The following OR51B5 variants were observed in gnomAD, a reference collection of about 807,000 sequenced individuals.
The protein encoded by OR51B5 is olfactory receptor 51B5.
For synonymous variants in OR51B5, 186 were observed against 144.8 expected (o/e 1.28, Z -2.04); for missense variants, 456 against 374.6 (o/e 1.22, Z -1.79).
At chr11:5,426,295 A>G (rs958228519) in intron 1 of OR51B5, among the ~76,000 whole-genome samples, 3 of 152,216 alleles carry the variant, frequency 2.0e-5, no homozygotes, top group African/African-American at 7.2e-5. Context: ...TGGTGCACAC[A>G]TAACACTATG....
chr11:5,498,957 C>A (rs771979688), intron 1 of OR51B5, among the ~76,000 whole-genome samples: 1 of 152,216 alleles, frequency 6.6e-6, no homozygotes, highest in East Asian at 1.9e-4. Context: ...CATGTACTCT[C>A]CTGGGATGCA....
intron 1 of OR51B5, chr11:5,453,778 G>C: frequency 6.2e-7 from 1 of 1,614,132 alleles, no homozygotes. Context: ...TTTGATGCCT[G>C]TCTAATTCAG....
At chr11:5,343,270 C>G in exon 1 of OR51B5, 1 of 1,612,972 alleles carries the variant, frequency 6.2e-7, no homozygotes, top group Non-Finnish European at 8.5e-7. Flanking sequence ...CCCTGTGATC[C>G]AGCCAGAGGA....
intron 1 of OR51B5, chr11:5,455,666 T>C (rs1221482292): frequency 6.6e-6 from 1 of 151,430 alleles, no homozygotes; most frequent in Admixed American, 6.6e-5. Flanking sequence ...TAACTCACCA[T>C]GGAAACTCAT....
chr11:5,401,935 T>C (rs7479379), intron 1 of OR51B5, among the ~76,000 whole-genome samples: 140,880 of 149,434 alleles, frequency 0.94, 66,842 homozygotes, highest in Non-Finnish European at 0.98. Flanking sequence ...TCCTTTTCTT[T>C]TATTATTCTT....
intron 1 of OR51B5, chr11:5,488,579 A>ATT: frequency 1.4e-6 from 1 of 740,444 alleles, no homozygotes; most frequent in Non-Finnish European, 2.2e-6. Context: ...TGAAAAACAA[A>ATT]TTTTTTTAGT....
intron 1 of OR51B5, chr11:5,431,056 T>G (rs1224872651): frequency 2.2e-6 from 1 of 455,176 alleles, no homozygotes; most frequent in Non-Finnish European, 4.4e-6. Context: ...CAGATCTGAG[T>G]GGAGGCAGTA....
At chr11:5,462,942 A>C (rs1026922173) in intron 1 of OR51B5, among the ~76,000 whole-genome samples, 1 of 152,234 alleles carries the variant, frequency 6.6e-6, no homozygotes, top group African/African-American at 2.4e-5. Flanking sequence ...TCAAAAAACT[A>C]ATCAAGAATC....
At chr11:5,480,908 C>G (rs1255006298) in intron 1 of OR51B5, among the ~76,000 whole-genome samples, 1 of 27,584 alleles carries the variant, frequency 3.6e-5, no homozygotes, top group East Asian at 9.6e-4. Flanking sequence ...GATGGATTAA[C>G]AGCCAAATTC....
chr11:5,375,819 T>G (rs372074298), intron 1 of OR51B5, among the ~76,000 whole-genome samples: 25 of 152,188 alleles, frequency 1.6e-4, no homozygotes, highest in East Asian at 9.7e-4. Flanking sequence ...AGCAAGTCCT[T>G]AGAGACCTAC....
intron 1 of OR51B5, among the ~76,000 whole-genome samples, chr11:5,355,826 G>A (rs764486538): frequency 1.3e-5 from 2 of 151,958 alleles, no homozygotes; most frequent in African/African-American, 2.4e-5. Context: ...AAGGATCAAT[G>A]TAATGCCCTG....
At chr11:5,468,801 A>C (rs924582578) in intron 1 of OR51B5, 5 of 455,120 alleles carry the variant, frequency 1.1e-5, no homozygotes, top group Non-Finnish European at 2.2e-5. Flanking sequence ...CCAAAGGCAG[A>C]GATGACAATG....
chr11:5,477,462 C>G (rs12270800), intron 1 of OR51B5, among the ~76,000 whole-genome samples: 5,074 of 152,264 alleles, frequency 0.033, 275 homozygotes, highest in African/African-American at 0.12. Context: ...TATCCTCTTT[C>G]TGTCTCAGTT....
intron 1 of OR51B5, chr11:5,505,417 A>G: frequency 2.3e-6 from 3 of 1,304,142 alleles, no homozygotes; most frequent in Non-Finnish European, 3.0e-6. Context: ...CACCATAAAC[A>G]ATAGGTTTTT....
rs1169085132 is a variant in OR51B5, at chr11:5,351,819, T to A, written n.85-4909A>T. The A allele has an allele frequency of 2.5e-6, 4 of 1,614,156 alleles. No individual in the cohort carries two copies. The Admixed American group carries it at 6.7e-5, about 27-fold the overall frequency. On this transcript the variant is annotated intron_variant and non_coding_transcript_variant, in intron 1 of 4. Coordinates refer to the OR51B5 transcript ENST00000415970. ...TCTCTCAGGCCTATTTTATCCATAC[T>A]CTTTCTGTCATGGAGTCAGGTGTCT...
chr11:5,382,744 T>C (rs766410366), intron 1 of OR51B5, among the ~76,000 whole-genome samples: 4 of 152,186 alleles, frequency 2.6e-5, no homozygotes, highest in Non-Finnish European at 5.9e-5. Context: ...CCTATCACCC[T>C]GACTCTCCTA....
rs7106598 is a variant in OR51B5, at chr11:5,382,517, G to A, written n.85-35607C>T. ...ATATTTGCTGTTGCTGGTAATAATA[G>A]CAGCATTGTTGCTGTTATACTGTCC... On this transcript the variant is annotated intron_variant and non_coding_transcript_variant, in intron 1 of 4. Transcript: ENST00000415970. Among the ~76,000 whole-genome samples the A allele has an allele frequency of 2.9e-3, 444 of 152,294 alleles. 1 individual carries two copies. Among genetic ancestry groups the A allele is most frequent in the African/African-American group, 0.01 (420 of 41,542 alleles).
chr11:5,457,372 A>G (rs796895973), intron 1 of OR51B5, among the ~76,000 whole-genome samples: 1 of 152,220 alleles, frequency 6.6e-6, no homozygotes, highest in South Asian at 2.1e-4. Context: ...TTCTTTAACC[A>G]GTCCACTGCT....
chr11:5,368,328 GT>G lies in OR51B5; in HGVS notation n.85-21419del, dbSNP rs769648145. On this transcript the variant is annotated intron_variant and non_coding_transcript_variant, in intron 1 of 4. Coordinates refer to the OR51B5 transcript ENST00000415970. ...ATAGCAAAGCAATTTATCTTTCTGT[GT>G]TTTGGTCCACTCATCTTTAAGTGGG... is the stretch of plus-strand genomic sequence containing the variant. Among the ~76,000 whole-genome samples, 5 of 152,224 alleles carry G rather than the reference GT, an allele frequency of 3.3e-5. No individual in the cohort carries two copies. In the East Asian group the frequency reaches 7.7e-4, roughly 23 times the overall value.
Sources: allele counts gnomAD v4.1 joint callset (sites outside exome capture counted in the v4.1 genomes callset), GRCh38; gene constraint gnomAD v4.1.1; transcripts MANE v1.5; gene names NCBI Gene and HGNC (gene_info 2026-07-23, HGNC 2026-07-21).